ORMDL1: variants seen among roughly 807,000 people sequenced by gnomAD.
ORMDL1 encodes ORM1-like protein 1.
Under a neutral mutation model 13.0 loss-of-function variants are expected in ORMDL1, and 10 were observed. The ratio of observed to expected loss-of-function variants is 0.77; its 90% CI spans 0.47 to 1.30. The LOEUF (loss-of-function observed/expected upper bound fraction) is 1.30, where lower values mean the gene tolerates loss of function less well. ORMDL1 is among the 50% of genes most tolerant of loss of function. ORMDL1 has a pLI of 0.00. For missense variants in ORMDL1, 171 were observed against 186.7 expected (o/e 0.92, Z 0.49); for synonymous variants, 61 against 63.9 (o/e 0.95, Z 0.22).
chr2:189,773,722 C>CAAAA (rs56366510), intron 4 of ORMDL1, among the ~76,000 whole-genome samples: 1 of 64,318 alleles, frequency 1.6e-5, no homozygotes. Flanking sequence ...ACTCTTGTCT[C>CAAAA]AAAAAAAAAA....
chr2:189,772,690 A>G (rs2047605154), intron 4 of ORMDL1, among the ~76,000 whole-genome samples: 1 of 152,234 alleles, frequency 6.6e-6, no homozygotes, highest in Non-Finnish European at 1.5e-5. Flanking sequence ...ATAAAACATC[A>G]TATCTTATTT....
At chr2:189,774,200 C>G (rs1390378133) in intron 4 of ORMDL1, among the ~76,000 whole-genome samples, 5 of 152,190 alleles carry the variant, frequency 3.3e-5, no homozygotes, top group Non-Finnish European at 7.3e-5. Flanking sequence ...CTCTGTTGCC[C>G]AGACTGGAGT....
rs1002903737 is a variant in ORMDL1 at position 189,771,738 on chromosome 2, G to A, written c.*29C>T. 3 of 1,555,644 alleles carry A rather than the reference G, an allele frequency of 1.9e-6. No individual in the cohort carries two copies. Among genetic ancestry groups the A allele is most frequent in the Admixed American group, 2.0e-5 (1 of 49,162 alleles). On this transcript the variant is annotated 3_prime_UTR_variant, in exon 5 of 5. Coordinates refer to ENST00000392349, the MANE Select transcript of ORMDL1 (RefSeq NM_016467.5). ...CTTCCTTATAAGAAATTCAGTAGCTGTAAAATTTTTTTTCAGTTTCAAAAC... is the reference window on the plus strand; with the variant it reads ...CTTCCTTATAAGAAATTCAGTAGCTATAAAATTTTTTTTCAGTTTCAAAAC...
chr2:189,781,291 A>T (rs1418972692), intron 3 of ORMDL1, among the ~76,000 whole-genome samples: 3 of 152,196 alleles, frequency 2.0e-5, no homozygotes, highest in African/African-American at 7.2e-5. Context: ...AGTTCATTTT[A>T]AAAAATATCT....
Position 189,771,611 on chromosome 2 carries a change from C to G in ORMDL1, c.*156G>C, listed in dbSNP as rs1390241778. 1.7e-6 allele frequency: 1 copy of G among 584,406 alleles called. No individual in the cohort carries two copies. The highest frequency in any genetic ancestry group is 2.0e-5 in the African/African-American group (1 of 51,220). 36.2% of individuals were successfully genotyped at this position (584,406 alleles called of 1,614,324 possible). A position where few individuals can be genotyped will look rare whatever the true frequency, so the allele number is the denominator to read the frequency against. ...AACAGAGGCATCATTTAATGGAAAT[C>G]TGCACTTCAAAACAGCACTTGAAGG... On this transcript the variant is annotated 3_prime_UTR_variant, in exon 5 of 5. Transcript: ENST00000392349.
At chr2:189,776,477 G>A (rs1172997279) in intron 3 of ORMDL1, among the ~76,000 whole-genome samples, 1 of 152,056 alleles carries the variant, frequency 6.6e-6, no homozygotes, top group South Asian at 2.1e-4. Context: ...AGACTCATAG[G>A]CAGTGTTTCA....
rs1196249831 is a variant in ORMDL1, at chr2:189,774,059, G to A, written c.326+1506C>T. 3 of 152,242 alleles carry A rather than the reference G, an allele frequency of 2.0e-5. No homozygotes were observed. In the East Asian group the frequency reaches 5.8e-4, roughly 29 times the overall value. The allele number at this position is 152,242 out of a possible 1,614,324, so 9.4% of individuals were successfully genotyped here. A position where few individuals can be genotyped will look rare whatever the true frequency, so the allele number is the denominator to read the frequency against. On this transcript the variant is annotated intron_variant, in intron 4 of 4. Coordinates refer to ENST00000392349, the MANE Select transcript of ORMDL1 (RefSeq NM_016467.5). ...AGAAAACTGAGCTTTTGAAGAAAAC[G>A]GCCAAAAGTCACAGAGCTTCAAAGG...
Position 189,775,719 on chromosome 2 carries a change from G to A in ORMDL1, c.175-3C>T. On this transcript the variant is annotated splice_polypyrimidine_tract_variant and splice_region_variant and intron_variant, in intron 3 of 4. Transcript: ENST00000392349. ...GCATGCAAAAATACGTACATCCCCT[G>A]GAAAACAAGCAAGGGGTTATAAATG... is the stretch of plus-strand genomic sequence containing the variant. The A allele has an allele frequency of 6.2e-7, 1 of 1,610,404 alleles. No individual in the cohort carries two copies. Among genetic ancestry groups the A allele is most frequent in the South Asian group, 1.1e-5 (1 of 90,300 alleles).
At chr2:189,769,017 T>G (rs565151614), downstream of ORMDL1, among the ~76,000 whole-genome samples, 1 of 152,112 alleles carries the variant, frequency 6.6e-6, no homozygotes, top group African/African-American at 2.4e-5. Flanking sequence ...TATACTGTCT[T>G]ATAAGTCCTC....
intron 2 of ORMDL1, 86 bp from the exon 3 acceptor site, chr2:189,782,688 C>A: frequency 7.9e-7 from 1 of 1,271,758 alleles, no homozygotes; most frequent in Non-Finnish European, 1.1e-6. Context: ...ACCTGTGTTG[C>A]GAGGATTATT....
downstream of ORMDL1, among the ~76,000 whole-genome samples, chr2:189,769,688 C>G (rs183368739): frequency 6.3e-4 from 95 of 151,976 alleles, 1 homozygote; most frequent in Admixed American, 5.2e-3. Context: ...AATGAAATAT[C>G]CATAAGCCCA....
intron 3 of ORMDL1, among the ~76,000 whole-genome samples, chr2:189,779,404 G>A (rs953216499): frequency 4.6e-5 from 7 of 152,148 alleles, no homozygotes; most frequent in African/African-American, 1.4e-4. Context: ...CTATGATCAC[G>A]CCAGTCTCTT....
In ORMDL1 at chr2:189,775,687, T is replaced by G. The variant is rs770453787; in HGVS notation, c.204A>C (p.Lys68Asn). ...GGTCAGGAGTTTCGAAAGGTGTTCC[T>G]TTCACTGCATGCAAAAATACGTACA... ...LGMYVFLHAVKGTPFETPDQG... is the reference protein window; with the variant it reads ...LGMYVFLHAVNGTPFETPDQG... The change falls in exon 4 of 5, where the codon AAA becomes AAC. Residue 68 changes from lysine to asparagine, a missense_variant. Transcript: ENST00000392349. 1 of 1,613,638 alleles carries G rather than the reference T, an allele frequency of 6.2e-7. No homozygotes were observed. The highest frequency in any genetic ancestry group is 8.5e-7 in the Non-Finnish European group (1 of 1,179,798).
downstream of ORMDL1, among the ~76,000 whole-genome samples, chr2:189,766,821 A>T (rs565639538): frequency 6.6e-6 from 1 of 152,126 alleles, no homozygotes; most frequent in Non-Finnish European, 1.5e-5. Context: ...AAATTTGATT[A>T]TTCTAGGAGT....
chr2:189,777,174 T>C (rs542905017), intron 3 of ORMDL1, among the ~76,000 whole-genome samples: 12 of 152,336 alleles, frequency 7.9e-5, no homozygotes, highest in African/African-American at 2.6e-4. Context: ...TTAGAGTTGT[T>C]TGCATGATGT....
chr2:189,770,236 CTTTAA>C (rs767101233), downstream of ORMDL1: 16 of 152,220 alleles, frequency 1.1e-4, no homozygotes, highest in Non-Finnish European at 1.8e-4. Context: ...CTTTTTGTTA[CTTTAA>C]TTTTACGAAT....
intron 3 of ORMDL1, among the ~76,000 whole-genome samples, chr2:189,777,383 T>G (rs1321259066): frequency 1.3e-5 from 2 of 152,184 alleles, no homozygotes; most frequent in Non-Finnish European, 2.9e-5. Context: ...TTTCAAATCA[T>G]CGGGGGTATA....
chr2:189,771,154 AC>A lies in ORMDL1; in HGVS notation c.*612del, dbSNP rs1343846596. ...TATCACCAATCAGTCACAAAGGTGA[AC>A]CTCCATGAACTCTGTAACGTAATAA... is the stretch of plus-strand genomic sequence containing the variant. On this transcript the variant is annotated 3_prime_UTR_variant, in exon 5 of 5. Transcript: ENST00000392349. The A allele has an allele frequency of 6.6e-6, 1 of 152,178 alleles. No individual in the cohort carries two copies. The highest frequency in any genetic ancestry group is 2.4e-5 in the African/African-American group (1 of 41,450). 9.4% of individuals were successfully genotyped at this position (152,178 alleles called of 1,614,324 possible).
chr2:189,771,785 A>G lies in ORMDL1; in HGVS notation c.444T>C (p.Phe148=), dbSNP rs1331300665. 4 of 1,594,514 alleles carry G rather than the reference A, an allele frequency of 2.5e-6. No individual in the cohort carries two copies. Among genetic ancestry groups the G allele is most frequent in the Non-Finnish European group, 3.4e-6 (4 of 1,174,794 alleles). Residue 148 remains phenylalanine, a synonymous_variant, in exon 5 of 5, where the codon TTT becomes TTC. Coordinates refer to ENST00000392349, the MANE Select transcript of ORMDL1 (RefSeq NM_016467.5). ...AAACATTTCAATACTTATTAATTCC[A>G]AAGATCCGAACACCATGTAGTTGTG... is the stretch of plus-strand genomic sequence containing the variant. ...KMPQLHGVRI[F]GINKY
Sources: gnomAD v4.1 joint callset for allele counts (sites outside exome capture counted in the v4.1 genomes callset) on GRCh38, gnomAD v4.1.1 for gene constraint, MANE v1.5 for transcripts, NCBI Gene and HGNC (gene_info 2026-07-23, HGNC 2026-07-21) for gene names.